PLCB1: variants seen among roughly 807,000 people sequenced by gnomAD.
The protein encoded by PLCB1 is 1-phosphatidylinositol 4,5-bisphosphate phosphodiesterase beta-1.
In PLCB1, 46 loss-of-function variants were observed where a neutral mutation model predicts 161.8. The ratio of observed to expected loss-of-function variants is 0.28; its 90% CI spans 0.22 to 0.36. The LOEUF is 0.36. Ranked by LOEUF, PLCB1 falls within the 10% of genes least tolerant of loss-of-function variation. PLCB1 has a pLI of 1.00. For missense variants in PLCB1, 1,016 were observed against 1,472.5 expected, an observed-to-expected ratio of 0.69 and a Z score of 5.07; for synonymous variants, 517 against 503.7, an observed-to-expected ratio of 1.03 and a Z score of -0.35.
At chr20:8,693,888 T>G (rs1370657835) in intron 10 of PLCB1, among the ~76,000 whole-genome samples, 1 of 152,190 alleles carries the variant, frequency 6.6e-6, no homozygotes, top group African/African-American at 2.4e-5. Context: ...TATGAATTAC[T>G]CTGAGAAGGA....
intron 3 of PLCB1, among the ~76,000 whole-genome samples, chr20:8,561,283 A>G (rs1432385450): frequency 6.6e-6 from 1 of 152,012 alleles, no homozygotes; most frequent in African/African-American, 2.4e-5. Flanking sequence ...TTTCTATTGT[A>G]AAATTTAGTA....
intron 1 of PLCB1, among the ~76,000 whole-genome samples, chr20:8,135,357 G>A (rs1347401420): frequency 1.3e-5 from 2 of 152,164 alleles, no homozygotes; most frequent in Non-Finnish European, 2.9e-5. Context: ...TATAATCACT[G>A]GTCTTGTTGT....
chr20:8,579,525 T>C (rs1469440456), intron 3 of PLCB1, among the ~76,000 whole-genome samples: 1 of 152,234 alleles, frequency 6.6e-6, no homozygotes, highest in Non-Finnish European at 1.5e-5. Context: ...TGAAAATACC[T>C]AACTGATACA....
chr20:8,583,396 CATT>C (rs1465848586), intron 3 of PLCB1, among the ~76,000 whole-genome samples: 1 of 152,050 alleles, frequency 6.6e-6, no homozygotes, highest in Non-Finnish European at 1.5e-5. Context: ...AAATAAAAGA[CATT>C]AAATAGTTTT....
chr20:8,251,664 G>A (rs1033996529), intron 2 of PLCB1, among the ~76,000 whole-genome samples: 1 of 151,906 alleles, frequency 6.6e-6, no homozygotes, highest in Non-Finnish European at 1.5e-5. Flanking sequence ...TATTAGAAGG[G>A]CATGTGCCCC....
At chr20:8,316,846 A>G (rs1185777804) in intron 2 of PLCB1, among the ~76,000 whole-genome samples, 1 of 152,140 alleles carries the variant, frequency 6.6e-6, no homozygotes, top group African/African-American at 2.4e-5. Context: ...TTTGGGGATC[A>G]TAGGACTCTT....
At chr20:8,183,168 G>C (rs1217346360) in intron 2 of PLCB1, among the ~76,000 whole-genome samples, 1 of 152,130 alleles carries the variant, frequency 6.6e-6, no homozygotes, top group Non-Finnish European at 1.5e-5. Context: ...GATCCATCTG[G>C]CTTCATCCTT....
rs568035606 is a variant in PLCB1, at chr20:8,701,654, G to T, written c.1167+3871G>T. ...TAACGCATAAGCTCCACAAAGACAGGGCTCTTTGTTCTGTTCCCTGATCTG... is the reference window on the plus strand; with the variant it reads ...TAACGCATAAGCTCCACAAAGACAGTGCTCTTTGTTCTGTTCCCTGATCTG... On this transcript the variant is annotated intron_variant, in intron 11 of 31. Transcript: ENST00000338037. Among the ~76,000 whole-genome samples the T allele has an allele frequency of 2.0e-5, 3 of 152,236 alleles. No individual in the cohort carries two copies. In the East Asian group the frequency reaches 5.8e-4, roughly 29 times the overall value.
intron 3 of PLCB1, among the ~76,000 whole-genome samples, chr20:8,461,875 T>C (rs1981592832): frequency 6.6e-6 from 1 of 152,202 alleles, no homozygotes; most frequent in African/African-American, 2.4e-5. Context: ...GCTTTGCTAA[T>C]TGTGATTGAA....
At chr20:8,184,118 A>G (rs1279925666) in intron 2 of PLCB1, among the ~76,000 whole-genome samples, 3 of 152,198 alleles carry the variant, frequency 2.0e-5, no homozygotes, top group African/African-American at 7.2e-5. Flanking sequence ...GCTGTTAATT[A>G]ACTTTTAGAG....
At chr20:8,165,427 T>C (rs750507476) in intron 2 of PLCB1, among the ~76,000 whole-genome samples, 8 of 152,172 alleles carry the variant, frequency 5.3e-5, no homozygotes, top group Non-Finnish European at 8.8e-5. Context: ...GAGAGGGTGA[T>C]TTTTACCCTG....
At chr20:8,266,063 T>G (rs1981939639) in intron 2 of PLCB1, among the ~76,000 whole-genome samples, 1 of 152,214 alleles carries the variant, frequency 6.6e-6, no homozygotes, top group South Asian at 2.1e-4. Context: ...GTTCTTCTTT[T>G]TCAGTCGATG....
intron 9 of PLCB1, among the ~76,000 whole-genome samples, chr20:8,664,303 G>T (rs77797965): frequency 1.3e-5 from 2 of 151,954 alleles, no homozygotes; most frequent in Non-Finnish European, 2.9e-5. Context: ...ATCACTACTC[G>T]CTGAGTTAAT....
At position 8,651,762 on chromosome 20, in the gene PLCB1, G is replaced by A. The variant is rs184460915; in HGVS notation, c.594+2313G>A. The A allele has an allele frequency of 6.2e-4, 254 of 409,552 alleles. 6 individuals are homozygous for A. In the East Asian group the frequency reaches 7.5e-3, roughly 12 times the overall value. 25.4% of individuals were successfully genotyped at this position (409,552 alleles called of 1,614,324 possible). A position where few individuals can be genotyped will look rare whatever the true frequency, so the allele number is the denominator to read the frequency against. On this transcript the variant is annotated intron_variant, in intron 7 of 31. Transcript: ENST00000338037. ...GGGAAGTGCTATAAAAAGAAAGACT[G>A]GAGAACTACTATTGAGAAGAAGGGA...
chr20:8,703,622 G>A (rs1241775194), intron 11 of PLCB1, among the ~76,000 whole-genome samples: 1 of 152,130 alleles, frequency 6.6e-6, no homozygotes, highest in Non-Finnish European at 1.5e-5. Flanking sequence ...GCAAACATGA[G>A]TCCTAAGCCA....
chr20:8,575,577 TC>T (rs1986651069), intron 3 of PLCB1, among the ~76,000 whole-genome samples: 1 of 152,166 alleles, frequency 6.6e-6, no homozygotes, highest in Non-Finnish European at 1.5e-5. Context: ...AGAGATGAAT[TC>T]CCCCGCTCTA....
chr20:8,617,880 T>G (rs982853655), intron 3 of PLCB1, among the ~76,000 whole-genome samples: 1 of 152,196 alleles, frequency 6.6e-6, no homozygotes, highest in Non-Finnish European at 1.5e-5. Context: ...TACTGCTATT[T>G]TTTAAGTACC....
Position 8,878,933 on chromosome 20 carries a change from T to C in PLCB1, c.3424-2689T>C, listed in dbSNP as rs187717855. 1.4e-4 allele frequency among the ~76,000 whole-genome samples: 22 copies of C among 152,188 alleles called. No individual in the cohort carries two copies. In the East Asian group the frequency reaches 4.3e-3, roughly 29 times the overall value. ...AAATAATAAACATAGTACCCAGCAA[T>C]TAGTTTTTCAAGGCTTGCCCCCGAC... is the stretch of plus-strand genomic sequence containing the variant. On this transcript the variant is annotated intron_variant, in intron 31 of 31. Transcript: ENST00000338037.
chr20:8,674,998 G>C (rs558478122), intron 9 of PLCB1, among the ~76,000 whole-genome samples: 1 of 151,948 alleles, frequency 6.6e-6, no homozygotes, highest in Admixed American at 6.6e-5. Context: ...AGATTTGATG[G>C]TATAATTTCT....
Sources: allele counts gnomAD v4.1 joint callset (sites outside exome capture counted in the v4.1 genomes callset), GRCh38; gene constraint gnomAD v4.1.1; transcripts MANE v1.5; gene names NCBI Gene and HGNC (gene_info 2026-07-23, HGNC 2026-07-21).